TNF: variants seen among roughly 807,000 people sequenced by gnomAD.
The protein encoded by TNF is APC1 protein.
In TNF, 7 loss-of-function variants were observed where a neutral mutation model predicts 21.8. The observed-to-expected ratio is 0.32, with a 90% confidence interval of 0.18 to 0.60. TNF has a LOEUF of 0.60. Among genes scored for constraint, TNF ranks in the 20% least tolerant of loss-of-function variants. The pLI, the probability that TNF is intolerant of heterozygous loss-of-function variation, is 0.84. For synonymous variants in TNF, 123 were observed against 130.2 expected, an observed-to-expected ratio of 0.94 and a Z score of 0.38; for missense variants, 216 against 296.6, an observed-to-expected ratio of 0.73 and a Z score of 2.00.
chr6:31,575,865 G>C lies in TNF; in HGVS notation c.124G>C (p.Ala42Pro), dbSNP rs1312232547. The change falls in exon 1 of 4, where the codon GCA becomes CCA. Residue 42 changes from alanine to proline, a missense_variant. Ala to Pro is a conservative substitution (Grantham distance 27). Around this residue, in one of 2 missense-constraint regions of TNF, gnomAD observed 118 missense variants for 127.1 expected, o/e 0.93. Transcript: ENST00000449264. This position sits in a 1 kb window ranked among gnomAD's most constrained non-coding sequence, Gnocchi z 6.2. Reference sequence around the variant, plus strand: ...CAGCCTCTTCTCCTTCCTGATCGTGGCAGGCGCCACCACGCTCTTCTGCCT... The same window carrying C: ...CAGCCTCTTCTCCTTCCTGATCGTGCCAGGCGCCACCACGCTCTTCTGCCT... ...FLSLFSFLIV[A>P]GATTLFCLLH... 7 of 1,610,794 alleles carry C rather than the reference G, an allele frequency of 4.3e-6. No homozygotes were observed. The highest frequency in any genetic ancestry group is 1.7e-5 in the Admixed American group (1 of 59,698).
Position 31,577,803 on chromosome 6 carries a change from C to A in TNF, c.*266C>A. 1 of 575,940 alleles carries A rather than the reference C, an allele frequency of 1.7e-6. No homozygotes were observed. Among genetic ancestry groups the A allele is most frequent in the South Asian group, 2.1e-5 (1 of 48,252 alleles). 35.7% of individuals were successfully genotyped at this position (575,940 alleles called of 1,614,324 possible). A position where few individuals can be genotyped will look rare whatever the true frequency, so the allele number is the denominator to read the frequency against. On this transcript the variant is annotated 3_prime_UTR_variant, in exon 4 of 4. Transcript: ENST00000449264. This position sits in a 1 kb window ranked among gnomAD's most constrained non-coding sequence, Gnocchi z 7.7. ...TCACTGGGGCCTACAGCTTTGATCCCTGACATCTGGAATCTGGAGACCAGG... is the reference window on the plus strand; with the variant it reads ...TCACTGGGGCCTACAGCTTTGATCCATGACATCTGGAATCTGGAGACCAGG...
chr6:31,576,631 G>T, intron 2 of TNF, 52 bp downstream of exon 2: 1 of 1,605,812 alleles, frequency 6.2e-7, no homozygotes, highest in Non-Finnish European at 8.5e-7. Flanking sequence ...TTGGGGGTAG[G>T]GTTAGTACCG....
Position 31,577,259 on chromosome 6 carries a change from G to T in TNF, c.424G>T (p.Gly142Cys), listed in dbSNP as rs1454071630. 6.2e-7 allele frequency: 1 copy of T among 1,613,164 alleles called. No homozygotes were observed. The highest frequency in any genetic ancestry group is 8.5e-7 in the Non-Finnish European group (1 of 1,180,028). The change falls in exon 4 of 4, where the codon GGC becomes TGC. Residue 142 changes from glycine to cysteine, a missense_variant. Gly to Cys is a radical substitution (Grantham distance 159). Transcript: ENST00000449264. The surrounding 1 kb of genome is among the most constrained non-coding windows in gnomAD (Gnocchi z 7.7). Reference protein sequence around the residue: ...YLIYSQVLFKGQGCPSTHVLL... With the variant: ...YLIYSQVLFKCQGCPSTHVLL... ...CATCTACTCCCAGGTCCTCTTCAAG[G>T]GCCAAGGCTGCCCCTCCACCCATGT...
Position 31,575,754 on chromosome 6 carries a change from A to C in TNF, c.13A>C (p.Ser5Arg), listed in dbSNP as rs747694851. Residue 5 changes from serine (S) to arginine (R), a missense_variant, in exon 1 of 4, where the codon AGC becomes CGC. Transcript: ENST00000449264. This position sits in a 1 kb window ranked among gnomAD's most constrained non-coding sequence, Gnocchi z 6.2. MSTE[S>R]MIRDVELAEE... The stretch of plus-strand genomic sequence containing the variant: ...TGGAAAGGACACCATGAGCACTGAA[A>C]GCATGATCCGGGACGTGGAGCTGGC... 8 of 1,596,504 alleles carry C rather than the reference A, an allele frequency of 5.0e-6. No homozygotes were observed. The highest frequency in any genetic ancestry group is 3.4e-5 in the South Asian group (3 of 88,716).
rs377338702 is a variant in TNF, at chr6:31,575,797, A to G, written c.56A>G (p.Lys19Arg). 42 of 1,610,704 alleles carry G rather than the reference A, an allele frequency of 2.6e-5. No homozygotes were observed. In the African/African-American group the frequency reaches 2.9e-4, roughly 11 times the overall value. ...GAGCTGGCCGAGGAGGCGCTCCCCA[A>G]GAAGACAGGGGGGCCCCAGGGCTCC... Reference protein sequence around the residue: ...DVELAEEALPKKTGGPQGSRR... With the variant: ...DVELAEEALPRKTGGPQGSRR... Residue 19 changes from lysine (K) to arginine (R), a missense_variant, in exon 1 of 4, where the codon AAG becomes AGG. Physicochemically the swap from Lys to Arg is conservative, Grantham distance 26. Transcript: ENST00000449264. The surrounding 1 kb of genome is among the most constrained non-coding windows in gnomAD (Gnocchi z 6.2).
At position 31,575,889 on chromosome 6, in the gene TNF, C is replaced by A; in HGVS notation, c.148C>A (p.Leu50Met). The part of the protein sequence containing the change: ...IVAGATTLFC[L>M]LHFGVIGPQR... The stretch of plus-strand genomic sequence containing the variant: ...GGCAGGCGCCACCACGCTCTTCTGC[C>A]TGCTGCACTTTGGAGTGATCGGCCC... The change falls in exon 1 of 4, where the codon CTG (leucine) becomes ATG (methionine). Residue 50 changes from leucine (L) to methionine (M), a missense_variant. Coordinates refer to ENST00000449264, the MANE Select transcript of TNF (RefSeq NM_000594.4). This position sits in a 1 kb window ranked among gnomAD's most constrained non-coding sequence, Gnocchi z 6.2. 1 of 1,606,118 alleles carries A rather than the reference C, an allele frequency of 6.2e-7. No individual in the cohort carries two copies. Among genetic ancestry groups the A allele is most frequent in the Non-Finnish European group, 8.5e-7 (1 of 1,176,150 alleles).
Position 31,577,873 on chromosome 6 carries a change from T to C in TNF, c.*336T>C. 7 of 444,236 alleles carry C rather than the reference T, an allele frequency of 1.6e-5. No individual in the cohort carries two copies. Among genetic ancestry groups the C allele is most frequent in the Non-Finnish European group, 2.5e-5 (6 of 243,574 alleles). The allele number at this position is 444,236 out of a possible 1,614,324, so 27.5% of individuals were successfully genotyped here. On this transcript the variant is annotated 3_prime_UTR_variant, in exon 4 of 4. Coordinates refer to ENST00000449264, the MANE Select transcript of TNF (RefSeq NM_000594.4). This position sits in a 1 kb window ranked among gnomAD's most constrained non-coding sequence, Gnocchi z 7.7. ...GAATGCTGCAGGACTTGAGAAGACC[T>C]CACCTAGAAATTGACACAAGTGGAC...
chr6:31,577,287 T>C lies in TNF; in HGVS notation c.452T>C (p.Leu151Pro). ...CAAGGCTGCCCCTCCACCCATGTGC[T>C]CCTCACCCACACCATCAGCCGCATC... is the stretch of plus-strand genomic sequence containing the variant. ...KGQGCPSTHV[L>P]LTHTISRIAV... The change falls in exon 4 of 4, where the codon CTC (leucine) becomes CCC (proline). Residue 151 changes from leucine (L) to proline (P), a missense_variant. By Grantham distance (98) the Leu-to-Pro change is moderately conservative. Transcript: ENST00000449264. The surrounding 1 kb of genome is among the most constrained non-coding windows in gnomAD (Gnocchi z 7.7). 6.2e-7 allele frequency: 1 copy of C among 1,613,156 alleles called. No individual in the cohort carries two copies. Among genetic ancestry groups the C allele is most frequent in the Non-Finnish European group, 8.5e-7 (1 of 1,180,024 alleles).
chr6:31,577,421 C>T lies in TNF; in HGVS notation c.586C>T (p.Leu196=). 6.2e-7 allele frequency: 1 copy of T among 1,613,088 alleles called. No individual in the cohort carries two copies. The highest frequency in any genetic ancestry group is 8.5e-7 in the Non-Finnish European group (1 of 1,179,986). The change falls in exon 4 of 4, where the codon CTG becomes TTG. Residue 196 remains leucine (L), a synonymous_variant. Coordinates refer to ENST00000449264, the MANE Select transcript of TNF (RefSeq NM_000594.4). This position sits in a 1 kb window ranked among gnomAD's most constrained non-coding sequence, Gnocchi z 7.7. ...CAAGCCCTGGTATGAGCCCATCTAT[C>T]TGGGAGGGGTCTTCCAGCTGGAGAA... ...EAKPWYEPIY[L]GGVFQLEKGD...
At position 31,576,553 on chromosome 6, in the gene TNF, T is replaced by C; in HGVS notation, c.206T>C (p.Leu69Pro). 1 of 1,613,874 alleles carries C rather than the reference T, an allele frequency of 6.2e-7. No homozygotes were observed. The highest frequency in any genetic ancestry group is 1.1e-5 in the South Asian group (1 of 91,068). ...CAACAGTTCCCCAGGGACCTCTCTC[T>C]AATCAGCCCTCTGGCCCAGGCAGTC... The part of the protein sequence containing the change: ...QREEFPRDLS[L>P]ISPLAQAVRS... Residue 69 changes from leucine (L) to proline (P), a missense_variant, in exon 2 of 4, where the codon CTA becomes CCA. Leu to Pro is a moderately conservative substitution (Grantham distance 98). Around this residue, in one of 2 missense-constraint regions of TNF, gnomAD observed 118 missense variants for 127.1 expected, o/e 0.93. Coordinates refer to ENST00000449264, the MANE Select transcript of TNF (RefSeq NM_000594.4).
intron 3 of TNF, 26 bp downstream of exon 3, chr6:31,576,840 G>C: frequency 6.2e-7 from 1 of 1,612,764 alleles, no homozygotes; most frequent in Non-Finnish European, 8.5e-7. Flanking sequence ...ATGTGTCTTG[G>C]AACTTGGAGG....
chr6:31,576,697 G>C, intron 2 of TNF, 70 bp from the exon 3 acceptor site: 1 of 1,600,186 alleles, frequency 6.2e-7, no homozygotes, highest in Non-Finnish European at 8.6e-7. Context: ...GATGGATGGA[G>C]GTGAAAGTAG....
rs537268309 is a variant in TNF, at chr6:31,577,222, G to A, written c.387G>A (p.Glu129=). ...LRDNQLVVPS[E]GLYLIYSQVL... ...ATAACCAGCTGGTGGTGCCATCAGA[G>A]GGCCTGTACCTCATCTACTCCCAGG... is the stretch of plus-strand genomic sequence containing the variant. Residue 129 remains glutamate, a synonymous_variant, in exon 4 of 4, where the codon GAG becomes GAA. Coordinates refer to ENST00000449264, the MANE Select transcript of TNF (RefSeq NM_000594.4). The surrounding 1 kb of genome is among the most constrained non-coding windows in gnomAD (Gnocchi z 7.7). 3.0e-5 allele frequency: 49 copies of A among 1,613,114 alleles called. No homozygotes were observed. The East Asian group carries it at 9.8e-4, about 32-fold the overall frequency.
In TNF at chr6:31,576,556, T is replaced by A; in HGVS notation, c.209T>A (p.Ile70Asn). The A allele has an allele frequency of 2.5e-6, 4 of 1,613,870 alleles. No homozygotes were observed. The highest frequency in any genetic ancestry group is 3.4e-6 in the Non-Finnish European group (4 of 1,179,978). ...CAGTTCCCCAGGGACCTCTCTCTAA[T>A]CAGCCCTCTGGCCCAGGCAGTCAGT... ...REEFPRDLSL[I>N]SPLAQAVRSS... Residue 70 changes from isoleucine to asparagine, a missense_variant, in exon 2 of 4, where the codon ATC (isoleucine) becomes AAC (asparagine). By Grantham distance (149) the Ile-to-Asn change is moderately radical. This residue lies in a region of TNF where 118 missense variants were observed against 127.1 expected (regional missense o/e 0.93). Transcript: ENST00000449264.
Position 31,578,197 on chromosome 6 carries a change from T to A in TNF, c.*660T>A, listed in dbSNP as rs1771280486. ...CTTTTGATTATGTTTTTTAAAATAT[T>A]TATCTGATTAAGTTGTCTAAACAAT... On this transcript the variant is annotated 3_prime_UTR_variant, in exon 4 of 4. Transcript: ENST00000449264. This position sits in a 1 kb window ranked among gnomAD's most constrained non-coding sequence, Gnocchi z 6.0. 6.6e-6 allele frequency: 1 copy of A among 152,244 alleles called. No homozygotes were observed. Among genetic ancestry groups the A allele is most frequent in the Non-Finnish European group, 1.5e-5 (1 of 68,056 alleles). The allele number at this position is 152,244 out of a possible 1,614,324, so 9.4% of individuals were successfully genotyped here.
chr6:31,576,965 T>A, intron 3 of TNF, 151 bp downstream of exon 3: 1 of 1,336,602 alleles, frequency 7.5e-7, no homozygotes. Context: ...CTTAGTGGGA[T>A]ACTCAGAACG....
In TNF at chr6:31,577,899, C is replaced by T. The variant is rs1771268228; in HGVS notation, c.*362C>T. The T allele has an allele frequency of 2.8e-6, 1 of 359,510 alleles. No homozygotes were observed. The highest frequency in any genetic ancestry group is 3.5e-5 in the South Asian group (1 of 28,368). 22.3% of individuals were successfully genotyped at this position (359,510 alleles called of 1,614,324 possible). ...CACCTAGAAATTGACACAAGTGGAC[C>T]TTAGGCCTTCCTCTCTCCAGATGTT... On this transcript the variant is annotated 3_prime_UTR_variant, in exon 4 of 4. Coordinates refer to ENST00000449264, the MANE Select transcript of TNF (RefSeq NM_000594.4). This position sits in a 1 kb window ranked among gnomAD's most constrained non-coding sequence, Gnocchi z 7.7.
At position 31,575,852 on chromosome 6, in the gene TNF, C is replaced by T. The variant is rs1301033055; in HGVS notation, c.111C>T (p.Ser37=). 2 of 1,612,070 alleles carry T rather than the reference C, an allele frequency of 1.2e-6. No individual in the cohort carries two copies. Among genetic ancestry groups the T allele is most frequent in the African/African-American group, 1.3e-5 (1 of 74,860 alleles). The change falls in exon 1 of 4, where the codon TCC becomes TCT. Residue 37 remains serine (S), a synonymous_variant. Coordinates refer to ENST00000449264, the MANE Select transcript of TNF (RefSeq NM_000594.4). The surrounding 1 kb of genome is among the most constrained non-coding windows in gnomAD (Gnocchi z 6.2). ...GGTGCTTGTTCCTCAGCCTCTTCTC[C>T]TTCCTGATCGTGGCAGGCGCCACCA... ...SRRCLFLSLF[S]FLIVAGATTL...
chr6:31,576,204 AAAT>A (rs1213018894), intron 1 of TNF, among the ~76,000 whole-genome samples: 2 of 152,184 alleles, frequency 1.3e-5, no homozygotes, highest in Non-Finnish European at 2.9e-5. Context: ...GCAGATATAT[AAAT>A]AAGATATGGA....
Sources: allele counts gnomAD v4.1 joint callset (sites outside exome capture counted in the v4.1 genomes callset), GRCh38; gene constraint gnomAD v4.1.1; regional missense constraint gnomAD v4.1.1; non-coding constraint Gnocchi (gnomAD v3.1); transcripts MANE v1.5; gene names NCBI Gene and HGNC (gene_info 2026-07-23, HGNC 2026-07-21).